Variants in CCDC73 observed in about 807,000 individuals in gnomAD.
The protein encoded by CCDC73 is coiled-coil domain containing 73, also known as coiled-coil domain-containing protein 73.
In CCDC73, 95 loss-of-function variants were observed where a neutral mutation model predicts 116.5. The ratio of observed to expected loss-of-function variants is 0.82; its 90% confidence interval spans 0.69 to 0.97. The LOEUF (loss-of-function observed/expected upper bound fraction) is 0.97. Ranked by LOEUF, CCDC73 falls within the 50% of genes least tolerant of loss-of-function variation. The probability of loss-of-function intolerance (pLI) is 0.00; values close to 1 mark genes in which losing one functional copy is unlikely to be tolerated. For missense variants in CCDC73, 1,066 were observed against 1,206.8 expected (o/e 0.88, Z 1.73); for synonymous variants, 398 against 401.3 (o/e 0.99, Z 0.10).
At position 32,666,132 on chromosome 11, in the gene CCDC73, T is replaced by C. The variant is rs915889133; in HGVS notation, c.645+9433A>G. Among the ~76,000 whole-genome samples the C allele has an allele frequency of 4.6e-5, 7 of 152,316 alleles. No individual in the cohort carries two copies. The East Asian group carries it at 9.6e-4, about 21-fold the overall frequency. ...TCAACTTTGGTGAATCTGACAATTA[T>C]GTTTCTTGGAGTTGCTCTTCTCAAA... On this transcript the variant is annotated intron_variant, in intron 9 of 17. Coordinates refer to ENST00000335185, the MANE Select transcript of CCDC73 (RefSeq NM_001008391.4).
chr11:32,613,873 C>T lies in CCDC73; in HGVS notation c.2445G>A (p.Glu815=). Reference sequence around the variant, plus strand: ...TTTTTGTGGCTTCAGTTACCTGATTCTCATCAATCTGATTCTTTTTATTGG... The same window carrying T: ...TTTTTGTGGCTTCAGTTACCTGATTTTCATCAATCTGATTCTTTTTATTGG... The part of the protein sequence containing the change: ...EFSNKKNQID[E]NQVTEATKND... Residue 815 remains glutamate, a synonymous_variant, in exon 16 of 18, where the codon GAG becomes GAA. Coordinates refer to ENST00000335185, the MANE Select transcript of CCDC73 (RefSeq NM_001008391.4). The T allele has an allele frequency of 6.2e-7, 1 of 1,613,436 alleles. No individual in the cohort carries two copies. The highest frequency in any genetic ancestry group is 8.5e-7 in the Non-Finnish European group (1 of 1,179,920).
At chr11:32,727,376 G>T (rs1279356962) in intron 2 of CCDC73, among the ~76,000 whole-genome samples, 1 of 152,166 alleles carries the variant, frequency 6.6e-6, no homozygotes, top group East Asian at 1.9e-4. Flanking sequence ...ACAATAGGGT[G>T]GGGTGTTGGG....
At chr11:32,768,444 A>T (rs1208950206) in intron 1 of CCDC73, among the ~76,000 whole-genome samples, 1 of 152,226 alleles carries the variant, frequency 6.6e-6, no homozygotes, top group African/African-American at 2.4e-5. Context: ...CACGTTGTGC[A>T]CATGCATCCT....
chr11:32,787,314 T>C (rs1850637163), intron 1 of CCDC73, among the ~76,000 whole-genome samples: 1 of 152,204 alleles, frequency 6.6e-6, no homozygotes, highest in Non-Finnish European at 1.5e-5. Flanking sequence ...CATGTGTACA[T>C]AAAATACATG....
At chr11:32,767,418 C>T (rs1850452766) in intron 1 of CCDC73, among the ~76,000 whole-genome samples, 2 of 152,172 alleles carry the variant, frequency 1.3e-5, no homozygotes, top group South Asian at 4.1e-4. Flanking sequence ...TGGGCAAGGA[C>T]TTCATGTCTA....
At chr11:32,767,768 TG>T (rs1311110662) in intron 1 of CCDC73, among the ~76,000 whole-genome samples, 1 of 152,048 alleles carries the variant, frequency 6.6e-6, no homozygotes, top group Non-Finnish European at 1.5e-5. Flanking sequence ...AAAACCACAG[TG>T]AGATACCATC....
intron 1 of CCDC73, among the ~76,000 whole-genome samples, chr11:32,764,018 T>C (rs1438497784): frequency 6.6e-6 from 1 of 152,140 alleles, no homozygotes; most frequent in Non-Finnish European, 1.5e-5. Flanking sequence ...TATCAGTGAT[T>C]GAAGATCAAA....
intron 2 of CCDC73, among the ~76,000 whole-genome samples, chr11:32,749,998 G>T (rs1353188221): frequency 6.6e-6 from 1 of 151,366 alleles, no homozygotes; most frequent in African/African-American, 2.4e-5. Context: ...AGCCTCCCAA[G>T]TAGCTGGGAT....
intron 1 of CCDC73, among the ~76,000 whole-genome samples, chr11:32,787,340 G>A (rs1178821407): frequency 3.9e-5 from 6 of 152,112 alleles, no homozygotes. Context: ...CGTCCTTATT[G>A]TTATACTATA....
chr11:32,807,314 C>T, the CCDC73 span, among the ~76,000 whole-genome samples: 2 of 152,154 alleles, frequency 1.3e-5, no homozygotes, highest in Non-Finnish European at 2.9e-5. Flanking sequence ...CTCACTCTTT[C>T]GGCCTGCACC....
At chr11:32,810,505 A>C in the CCDC73 span, among the ~76,000 whole-genome samples, 1 of 152,146 alleles carries the variant, frequency 6.6e-6, no homozygotes, top group Non-Finnish European at 1.5e-5. Flanking sequence ...TGGGTTCCTG[A>C]CTCTTAAACC....
At chr11:32,780,164 C>T (rs1217326746) in intron 1 of CCDC73, among the ~76,000 whole-genome samples, 1 of 152,000 alleles carries the variant, frequency 6.6e-6, no homozygotes, top group African/African-American at 2.4e-5. Flanking sequence ...ATCTCAGCTA[C>T]AAGGGAGGCT....
the CCDC73 span, among the ~76,000 whole-genome samples, chr11:32,819,736 C>T: frequency 1.3e-5 from 2 of 152,168 alleles, no homozygotes; most frequent in African/African-American, 4.8e-5. Flanking sequence ...GCTGGGATTA[C>T]AGGCGTGAGC....
chr11:32,675,937 T>C lies in CCDC73; in HGVS notation c.514A>G (p.Thr172Ala), dbSNP rs748049266. ...TCTTTTACCAATCCAAATTGACCTG[T>C]TATTGTGGCATAATATTTCTCAATT... The part of the protein sequence containing the change: ...SEIEKYYATI[T>A]GQFGLVKENH... Residue 172 changes from threonine to alanine, a missense_variant, in exon 8 of 18, where the codon ACA becomes GCA. By Grantham distance (58) the Thr-to-Ala change is moderately conservative (BLOSUM62 0). Coordinates refer to ENST00000335185, the MANE Select transcript of CCDC73 (RefSeq NM_001008391.4). 2.5e-6 allele frequency: 4 copies of C among 1,610,218 alleles called. No homozygotes were observed. The African/African-American group carries it at 5.3e-5, about 22-fold the overall frequency.
At chr11:32,641,715 G>GTGTATATA (rs145985523) in intron 13 of CCDC73, among the ~76,000 whole-genome samples, 52 of 148,914 alleles carry the variant, frequency 3.5e-4, no homozygotes, top group African/African-American at 1.2e-3. Context: ...ATATGTGTGT[G>GTGTATATA]TATATATATA....
chr11:32,615,501 T>C (rs1469300721), intron 15 of CCDC73, among the ~76,000 whole-genome samples: 3 of 152,152 alleles, frequency 2.0e-5, no homozygotes, highest in African/African-American at 7.2e-5. Flanking sequence ...ATTAATTTTA[T>C]TCATCTATAT....
At chr11:32,794,184 C>T (rs1199774832) in intron 1 of CCDC73, among the ~76,000 whole-genome samples, 3 of 152,158 alleles carry the variant, frequency 2.0e-5, no homozygotes, top group African/African-American at 7.2e-5. Flanking sequence ...ATGTTGCTAA[C>T]TCTGAGCGGT....
Position 32,613,492 on chromosome 11 carries a change from G to A in CCDC73, c.2826C>T (p.Asn942=), listed in dbSNP as rs531147786. Residue 942 remains asparagine, a synonymous_variant, in exon 16 of 18, where the codon AAC becomes AAT. Coordinates refer to ENST00000335185, the MANE Select transcript of CCDC73 (RefSeq NM_001008391.4). ...LKERPLDPSE[N]KKIISMALCK... ...AAAGAGCCATTGAAATGATCTTTTTGTTTTCTGATGGATCTAGTGGTCTCT... is the reference window on the plus strand; with the variant it reads ...AAAGAGCCATTGAAATGATCTTTTTATTTTCTGATGGATCTAGTGGTCTCT... The A allele has an allele frequency of 4.3e-6, 7 of 1,613,792 alleles. No homozygotes were observed. In the African/African-American group the frequency reaches 6.7e-5, roughly 15 times the overall value.
At chr11:32,791,459 GTTTAAC>G (rs1336901082) in intron 1 of CCDC73, among the ~76,000 whole-genome samples, 3 of 152,174 alleles carry the variant, frequency 2.0e-5, no homozygotes, top group Non-Finnish European at 1.5e-5. Context: ...GTTGGAGCCT[GTTTAAC>G]TTTAATCCGT....
Sources: allele counts gnomAD v4.1 joint callset (sites outside exome capture counted in the v4.1 genomes callset), GRCh38; gene constraint gnomAD v4.1.1; transcripts MANE v1.5; gene names NCBI Gene and HGNC (gene_info 2026-07-23, HGNC 2026-07-21).